DOK6: variants seen among roughly 807,000 people sequenced by gnomAD.
DOK6 encodes the protein docking protein 6.
Under a neutral mutation model 44.0 loss-of-function variants are expected in DOK6, and 22 were observed. The ratio of observed to expected loss-of-function variants is 0.50; its 90% confidence interval spans 0.36 to 0.71. DOK6 has a LOEUF of 0.71. Ranked by LOEUF, DOK6 falls within the 30% of genes least tolerant of loss-of-function variation. The pLI is 0.00. For synonymous variants in DOK6, 166 were observed against 145.5 expected, an observed-to-expected ratio of 1.14 and a Z score of -1.01; for missense variants, 340 against 416.4, an observed-to-expected ratio of 0.82 and a Z score of 1.60.
intron 7 of DOK6, among the ~76,000 whole-genome samples, chr18:69,807,228 A>G (rs2145111800): frequency 6.6e-6 from 1 of 151,970 alleles, no homozygotes; most frequent in East Asian, 1.9e-4. Flanking sequence ...ATAACCTGTT[A>G]TAACTATAAG....
intron 7 of DOK6, among the ~76,000 whole-genome samples, chr18:69,797,816 A>T (rs1340925630): frequency 6.6e-6 from 1 of 152,046 alleles, no homozygotes; most frequent in Admixed American, 6.6e-5. Flanking sequence ...TTCTTTCATC[A>T]AATATTAAGG....
At position 69,844,039 on chromosome 18, in the gene DOK6, C is replaced by T. The variant is rs749906116; in HGVS notation, c.*2656C>T. ...AAACCAAAGATGGAAAGTCACTGCA[C>T]CAGTCTCCTGGAACTTCATAAAATC... On this transcript the variant is annotated 3_prime_UTR_variant, in exon 8 of 8. Coordinates refer to ENST00000382713, the MANE Select transcript of DOK6 (RefSeq NM_152721.6). The T allele has an allele frequency of 2.6e-5, 4 of 152,134 alleles. No individual in the cohort carries two copies. Among genetic ancestry groups the T allele is most frequent in the Non-Finnish European group, 5.9e-5 (4 of 68,030 alleles). The allele number at this position is 152,134 out of a possible 1,614,324, so 9.4% of individuals were successfully genotyped here. A position where few individuals can be genotyped will look rare whatever the true frequency, so the allele number is the denominator to read the frequency against.
intron 1 of DOK6, among the ~76,000 whole-genome samples, chr18:69,424,948 AGG>A (rs1393334826): frequency 6.6e-6 from 1 of 152,188 alleles, no homozygotes; most frequent in African/African-American, 2.4e-5. Context: ...ACAAAGGCGT[AGG>A]GGTCTCAGAA....
intron 5 of DOK6, among the ~76,000 whole-genome samples, chr18:69,699,445 G>A (rs890187455): frequency 1.3e-5 from 2 of 151,998 alleles, no homozygotes; most frequent in Non-Finnish European, 2.9e-5. Context: ...GCTAGGGTAG[G>A]TCCCATGTCT....
chr18:69,813,348 T>C lies in DOK6; in HGVS notation c.857-27896T>C, dbSNP rs944090190. 5.9e-5 allele frequency among the ~76,000 whole-genome samples: 9 copies of C among 152,236 alleles called. No individual in the cohort carries two copies. The East Asian group carries it at 1.2e-3, about 20-fold the overall frequency. On this transcript the variant is annotated intron_variant, in intron 7 of 7. Transcript: ENST00000382713. ...TTTCCAGGTTGAACGTATGTCCTTA[T>C]GGGGATGTTCAAAATAGTATTTAAT...
At chr18:69,796,026 G>A (rs1161787292) in intron 7 of DOK6, among the ~76,000 whole-genome samples, 2 of 152,172 alleles carry the variant, frequency 1.3e-5, no homozygotes, top group Admixed American at 1.3e-4. Context: ...TTCTTTCAGA[G>A]AAGAGAGAAA....
In DOK6 at chr18:69,792,273, C is replaced by T. The variant is rs1980623665; in HGVS notation, c.856+34400C>T. On this transcript the variant is annotated intron_variant, in intron 7 of 7. Coordinates refer to ENST00000382713, the MANE Select transcript of DOK6 (RefSeq NM_152721.6). ...TTTAATAGAATTGTCTTTTCTGTTT[C>T]CGTGAAGAATGTTATCGGTATTTTT... Among the ~76,000 whole-genome samples, 3 of 152,090 alleles carry T rather than the reference C, an allele frequency of 2.0e-5. No individual in the cohort carries two copies. The South Asian group carries it at 6.2e-4, about 32-fold the overall frequency.
At chr18:69,749,455 CTT>C (rs1415517304) in intron 6 of DOK6, among the ~76,000 whole-genome samples, 2 of 152,002 alleles carry the variant, frequency 1.3e-5, no homozygotes, top group Admixed American at 6.6e-5. Context: ...TACAGAATCT[CTT>C]GATGATGAAA....
intron 1 of DOK6, among the ~76,000 whole-genome samples, chr18:69,497,799 CTT>C (rs1288394621): frequency 3.3e-5 from 5 of 152,072 alleles, no homozygotes; most frequent in African/African-American, 1.2e-4. Context: ...AAAATTAAAA[CTT>C]GAGATGTGTT....
chr18:69,600,115 T>C (rs1210499583), intron 3 of DOK6, among the ~76,000 whole-genome samples: 1 of 152,212 alleles, frequency 6.6e-6, no homozygotes, highest in South Asian at 2.1e-4. Flanking sequence ...TTTTGCTCAA[T>C]GCAATGGTGC....
chr18:69,403,014 G>GCTT (rs1391740222), intron 1 of DOK6, among the ~76,000 whole-genome samples: 1 of 152,200 alleles, frequency 6.6e-6, no homozygotes, highest in Non-Finnish European at 1.5e-5. Context: ...CGTCTTCTTA[G>GCTT]CTTGACCTTT....
chr18:69,825,495 G>A (rs1981715652), intron 7 of DOK6, among the ~76,000 whole-genome samples: 1 of 141,334 alleles, frequency 7.1e-6, no homozygotes, highest in East Asian at 2.0e-4. Context: ...GAATGCAGTG[G>A]CACGATCTCG....
chr18:69,714,664 G>T (rs553816188), intron 5 of DOK6, among the ~76,000 whole-genome samples: 15 of 151,998 alleles, frequency 9.9e-5, no homozygotes, highest in Admixed American at 6.5e-4. Flanking sequence ...ACTAATAAAC[G>T]TTGCAAAGAG....
chr18:69,431,031 C>T lies in DOK6; in HGVS notation c.66+29721C>T, dbSNP rs1358842515. ...CCTAGCTCAGTCAACATAAGACCAC[C>T]ATTGACAGCCTCCACTGTGACAAAA... is the stretch of plus-strand genomic sequence containing the variant. On this transcript the variant is annotated intron_variant, in intron 1 of 7. Coordinates refer to ENST00000382713, the MANE Select transcript of DOK6 (RefSeq NM_152721.6). Among the ~76,000 whole-genome samples, 5 of 152,100 alleles carry T rather than the reference C, an allele frequency of 3.3e-5. No homozygotes were observed. In the East Asian group the frequency reaches 9.6e-4, roughly 29 times the overall value.
At chr18:69,731,881 C>T (rs1978417037) in intron 5 of DOK6, among the ~76,000 whole-genome samples, 1 of 152,122 alleles carries the variant, frequency 6.6e-6, no homozygotes, top group Non-Finnish European at 1.5e-5. Context: ...TAGCTCTTCA[C>T]CACAAAAATA....
chr18:69,474,150 GA>G (rs1484910297), intron 1 of DOK6, among the ~76,000 whole-genome samples: 5 of 151,778 alleles, frequency 3.3e-5, no homozygotes, highest in Non-Finnish European at 7.4e-5. Context: ...TGTCCTTGGT[GA>G]GGGGGGGCCT....
chr18:69,413,426 C>T (rs79798230), intron 1 of DOK6, among the ~76,000 whole-genome samples: 8,564 of 151,960 alleles, frequency 0.056, 276 homozygotes, highest in Middle Eastern at 0.12. Flanking sequence ...CCAGATCATA[C>T]AATTAAGAAA....
intron 4 of DOK6, among the ~76,000 whole-genome samples, chr18:69,696,114 T>C (rs1421721499): frequency 6.6e-6 from 1 of 152,218 alleles, no homozygotes; most frequent in Non-Finnish European, 1.5e-5. Context: ...GAGCCCTATA[T>C]CATGTGAATC....
intron 5 of DOK6, among the ~76,000 whole-genome samples, chr18:69,714,767 A>G (rs1033861181): frequency 9.8e-5 from 15 of 152,326 alleles, no homozygotes; most frequent in South Asian, 6.2e-4. Flanking sequence ...ATATTTAGCA[A>G]TATTTTCATA....
Sources: allele counts gnomAD v4.1 joint callset (sites outside exome capture counted in the v4.1 genomes callset), GRCh38; gene constraint gnomAD v4.1.1; transcripts MANE v1.5; gene names NCBI Gene and HGNC (gene_info 2026-07-23, HGNC 2026-07-21).